NRG3: variants seen among roughly 807,000 people sequenced by gnomAD.
The protein encoded by NRG3 is neuregulin 3, also known as pro-neuregulin-3, membrane-bound isoform.
In NRG3, 31 loss-of-function variants were observed where a neutral mutation model predicts 66.9. The observed-to-expected ratio is 0.46, with a 90% CI of 0.35 to 0.63. The LOEUF (loss-of-function observed/expected upper bound fraction) is 0.63, where lower values mean the gene tolerates loss of function less well. Among genes scored for constraint, NRG3 ranks in the 20% least tolerant of loss-of-function variants. NRG3 has a pLI of 0.00. For synonymous variants in NRG3, 393 were observed against 359.4 expected (o/e 1.09, Z -1.06); for missense variants, 910 against 878.9 (o/e 1.04, Z -0.45).
chr10:82,012,564 A>T (rs886888679), intron 1 of NRG3, among the ~76,000 whole-genome samples: 2 of 152,170 alleles, frequency 1.3e-5, no homozygotes. Flanking sequence ...CCAAATTTTT[A>T]TGCTCTACTT....
chr10:82,680,969 G>T (rs1372517047), intron 2 of NRG3, among the ~76,000 whole-genome samples: 1 of 152,232 alleles, frequency 6.6e-6, no homozygotes, highest in East Asian at 1.9e-4. Flanking sequence ...CTGCCACAGG[G>T]CAGGTTTACT....
chr10:82,588,779 G>A (rs1388070652), intron 2 of NRG3, among the ~76,000 whole-genome samples: 1 of 152,148 alleles, frequency 6.6e-6, no homozygotes, highest in African/African-American at 2.4e-5. Flanking sequence ...GGGATTACAG[G>A]CGTGAGCCAC....
intron 4 of NRG3, among the ~76,000 whole-genome samples, chr10:82,925,044 G>A (rs560611068): frequency 1.8e-4 from 27 of 152,096 alleles, no homozygotes; most frequent in Admixed American, 3.3e-4. Context: ...TTTATGCCAC[G>A]AAAACCCTGT....
chr10:82,720,398 C>T (rs1003804565), intron 2 of NRG3, among the ~76,000 whole-genome samples: 4 of 151,604 alleles, frequency 2.6e-5, no homozygotes, highest in African/African-American at 9.7e-5. Flanking sequence ...ACAAAACTAA[C>T]AAATTAATAA....
At chr10:82,697,513 C>G (rs1321771887) in intron 2 of NRG3, among the ~76,000 whole-genome samples, 1 of 152,134 alleles carries the variant, frequency 6.6e-6, no homozygotes, top group Non-Finnish European at 1.5e-5. Context: ...TATTCATTTT[C>G]TATGACCAGA....
chr10:82,474,380 T>C (rs893441108), intron 2 of NRG3, among the ~76,000 whole-genome samples: 2 of 151,648 alleles, frequency 1.3e-5, no homozygotes, highest in Non-Finnish European at 2.9e-5. Context: ...TCAGGAATAT[T>C]ATATATGAAC....
In NRG3 at chr10:82,098,059, A is replaced by ATG. The variant is rs1564559770; in HGVS notation, c.823+221896_823+221897insTG. Among the ~76,000 whole-genome samples the ATG allele has an allele frequency of 2.6e-4, 27 of 103,556 alleles. No homozygotes were observed. In the East Asian group the frequency reaches 9.4e-3, roughly 36 times the overall value. 67.9% of individuals were successfully genotyped at this position (103,556 alleles called of 152,430 possible). A position where few individuals can be genotyped will look rare whatever the true frequency, so the allele number is the denominator to read the frequency against. On this transcript the variant is annotated intron_variant, in intron 1 of 8. Transcript: ENST00000372141. The stretch of plus-strand genomic sequence containing the variant: ...AATGTAGTCTGCCACATATATACAC[A>ATG]CACACACACACACACACACACACAC...
chr10:82,259,558 A>C (rs2077910308), intron 1 of NRG3, among the ~76,000 whole-genome samples: 1 of 152,180 alleles, frequency 6.6e-6, no homozygotes, highest in African/African-American at 2.4e-5. Context: ...AGAAAAAGAA[A>C]TATTAAGTAA....
chr10:82,386,044 C>T (rs1937958), intron 2 of NRG3, among the ~76,000 whole-genome samples: 61,526 of 151,950 alleles, frequency 0.4, 15,270 homozygotes, highest in African/African-American at 0.7. Flanking sequence ...AGTGAAATCA[C>T]TTTTCCATGA....
At chr10:82,936,077 T>C (rs1459865018) in intron 4 of NRG3, among the ~76,000 whole-genome samples, 2 of 152,216 alleles carry the variant, frequency 1.3e-5, no homozygotes, top group Non-Finnish European at 2.9e-5. Context: ...TGAGTACCTA[T>C]GTGTGTTCAT....
chr10:82,377,726 G>T (rs192296101), intron 2 of NRG3, among the ~76,000 whole-genome samples: 2 of 152,204 alleles, frequency 1.3e-5, no homozygotes, highest in Non-Finnish European at 2.9e-5. Context: ...CAGTCATGGT[G>T]TGTCTGTATT....
intron 1 of NRG3, among the ~76,000 whole-genome samples, chr10:82,199,182 AAAAAG>A (rs2074630288): frequency 1.3e-5 from 2 of 151,216 alleles, no homozygotes; most frequent in South Asian, 2.1e-4. Context: ...GAAAAAAAAA[AAAAAG>A]AAAAGAAAAA....
At chr10:82,413,309 G>A (rs116300075) in intron 2 of NRG3, among the ~76,000 whole-genome samples, 1,571 of 152,194 alleles carry the variant, frequency 0.01, 20 homozygotes, top group African/African-American at 0.034. Context: ...TGGAGCTCTG[G>A]GGTGACCAGG....
At chr10:82,441,099 A>C (rs1340906173) in intron 2 of NRG3, among the ~76,000 whole-genome samples, 1 of 152,212 alleles carries the variant, frequency 6.6e-6, no homozygotes, top group African/African-American at 2.4e-5. Flanking sequence ...TTTCTTAGCT[A>C]GGTTTAAATA....
At chr10:82,322,828 A>C (rs1168314184) in intron 1 of NRG3, among the ~76,000 whole-genome samples, 1 of 152,230 alleles carries the variant, frequency 6.6e-6, no homozygotes, top group African/African-American at 2.4e-5. Context: ...GAGTTATATT[A>C]CACCCAGTCA....
intron 2 of NRG3, among the ~76,000 whole-genome samples, chr10:82,476,167 T>A (rs1051456000): frequency 8.6e-5 from 13 of 152,016 alleles, no homozygotes; most frequent in African/African-American, 3.1e-4. Flanking sequence ...ATGGCTAATA[T>A]GAAAAACAAA....
chr10:82,719,390 A>G (rs1197754684), intron 2 of NRG3, among the ~76,000 whole-genome samples: 1 of 152,226 alleles, frequency 6.6e-6, no homozygotes, highest in African/African-American at 2.4e-5. Context: ...ACCTTAATGT[A>G]TGCTATATAG....
chr10:82,387,966 T>C (rs992629852), intron 2 of NRG3, among the ~76,000 whole-genome samples: 3 of 152,148 alleles, frequency 2.0e-5, no homozygotes, highest in Admixed American at 6.6e-5. Context: ...GATGAGCAGG[T>C]GGGAGCATAC....
At chr10:82,679,725 A>G (rs2053973911) in intron 2 of NRG3, among the ~76,000 whole-genome samples, 1 of 152,200 alleles carries the variant, frequency 6.6e-6, no homozygotes, top group African/African-American at 2.4e-5. Flanking sequence ...TATGAGATAA[A>G]CACCATTATT....
Sources: allele counts gnomAD v4.1 joint callset (sites outside exome capture counted in the v4.1 genomes callset), GRCh38; gene constraint gnomAD v4.1.1; transcripts MANE v1.5; gene names NCBI Gene and HGNC (gene_info 2026-07-23, HGNC 2026-07-21).